SASH1: variants seen among roughly 807,000 people sequenced by gnomAD.
SASH1 encodes SAM and SH3 domain containing 1.
A neutral mutation model predicts 125.2 loss-of-function variants in SASH1; 44 were observed. The observed-to-expected ratio is 0.35, with a 90% confidence interval of 0.28 to 0.45. The LOEUF is 0.45. Among genes scored for constraint, SASH1 ranks in the 20% least tolerant of loss-of-function variants. SASH1 has a pLI of 1.00. For synonymous variants in SASH1, 639 were observed against 649.1 expected (o/e 0.98, Z 0.24); for missense variants, 1,426 against 1,614.5 (o/e 0.88, Z 2.00).
At chr6:148,408,010 T>C (rs766893074) in intron 2 of SASH1, among the ~76,000 whole-genome samples, 13 of 152,338 alleles carry the variant, frequency 8.5e-5, no homozygotes, top group Non-Finnish European at 1.5e-4. Flanking sequence ...ACAGGGGTTC[T>C]AATTTCTCGT....
the SASH1 span, among the ~76,000 whole-genome samples, chr6:148,223,609 G>T: frequency 6.6e-6 from 1 of 152,170 alleles, no homozygotes; most frequent in African/African-American, 2.4e-5. Flanking sequence ...TGATGTCTCA[G>T]ATTCTATTAT....
chr6:148,343,247 G>A, intron 1 of SASH1, 24 bp downstream of exon 1: 2 of 1,574,762 alleles, frequency 1.3e-6, no homozygotes, highest in East Asian at 2.3e-5. Context: ...GGAGGGGGCG[G>A]CGCAGGAAGT....
chr6:148,210,839 A>G, the SASH1 span, among the ~76,000 whole-genome samples: 40 of 152,264 alleles, frequency 2.6e-4, no homozygotes, highest in African/African-American at 8.7e-4. Flanking sequence ...ATAGAATTGT[A>G]GTAGATCTTC....
chr6:148,506,201 T>C (rs1170748780), intron 8 of SASH1, among the ~76,000 whole-genome samples: 1 of 150,940 alleles, frequency 6.6e-6, no homozygotes, highest in Admixed American at 6.6e-5. Context: ...AGGCTGGGCT[T>C]GGTGGCTCAC....
rs1163049511 is a variant in SASH1, at chr6:148,519,750, A to G, written c.1066A>G (p.Lys356Glu). 6.2e-7 allele frequency: 1 copy of G among 1,614,148 alleles called. No homozygotes were observed. The highest frequency in any genetic ancestry group is 1.7e-5 in the Admixed American group (1 of 60,016). Residue 356 changes from lysine (K) to glutamate (E), a missense_variant, in exon 10 of 20, where the codon AAA becomes GAA. Physicochemically the swap from Lys to Glu is moderately conservative, Grantham distance 56. Around this residue, in one of 3 missense-constraint regions of SASH1, gnomAD observed 567 missense variants for 575.6 expected, o/e 0.99. Transcript: ENST00000367467. The surrounding 1 kb of genome is among the most constrained non-coding windows in gnomAD (Gnocchi z 4.8). ...AGRKLVKTFSKGESRGLIKPP... is the reference protein window; with the variant it reads ...AGRKLVKTFSEGESRGLIKPP... ...CCGGAAGTTGGTCAAAACCTTCAGCAAAGGAGAGAGCCGGGGCCTGATTAA... is the reference window on the plus strand; with the variant it reads ...CCGGAAGTTGGTCAAAACCTTCAGCGAAGGAGAGAGCCGGGGCCTGATTAA...
intron 1 of SASH1, among the ~76,000 whole-genome samples, chr6:148,330,465 A>G (rs1295872080): frequency 6.6e-6 from 1 of 152,246 alleles, no homozygotes; most frequent in Non-Finnish European, 1.5e-5. Context: ...TTAGAAGACA[A>G]GATTGATAAA....
At chr6:148,367,113 A>G (rs1379902585) in intron 1 of SASH1, among the ~76,000 whole-genome samples, 2 of 150,250 alleles carry the variant, frequency 1.3e-5, no homozygotes, top group East Asian at 4.0e-4. Context: ...TAGTGGAGGC[A>G]GGGTTTCACC....
At chr6:148,344,232 C>T (rs1781444409) in intron 1 of SASH1, among the ~76,000 whole-genome samples, 1 of 152,202 alleles carries the variant, frequency 6.6e-6, no homozygotes, top group African/African-American at 2.4e-5. Context: ...AGTCATTCAA[C>T]CTCTCTGATC....
intron 1 of SASH1, among the ~76,000 whole-genome samples, chr6:148,291,735 TA>T (rs1582924008): frequency 6.6e-6 from 1 of 151,526 alleles, no homozygotes; most frequent in East Asian, 1.9e-4. Flanking sequence ...ACTTTTTTTT[TA>T]AAAAAAGAAA....
chr6:148,448,972 A>T (rs7763869), intron 4 of SASH1, among the ~76,000 whole-genome samples: 1 of 151,718 alleles, frequency 6.6e-6, no homozygotes, highest in Admixed American at 6.6e-5. Context: ...TCAGTTGCCA[A>T]ATCCTGTTTT....
intron 8 of SASH1, among the ~76,000 whole-genome samples, chr6:148,499,358 G>C (rs1371756968): frequency 6.6e-6 from 1 of 152,060 alleles, no homozygotes; most frequent in Non-Finnish European, 1.5e-5. Context: ...CACATAATTA[G>C]TTTATAAAAG....
At chr6:148,530,611 G>A (rs1008251744) in intron 12 of SASH1, among the ~76,000 whole-genome samples, 9 of 152,212 alleles carry the variant, frequency 5.9e-5, no homozygotes, top group African/African-American at 2.2e-4. Flanking sequence ...TCGGCAGCAT[G>A]CAAATAGCAG....
chr6:148,398,006 CA>C (rs1784026548), intron 2 of SASH1, among the ~76,000 whole-genome samples: 1 of 152,094 alleles, frequency 6.6e-6, no homozygotes, highest in African/African-American at 2.4e-5. Flanking sequence ...GCTTCCCAAT[CA>C]GAAGGCACAG....
Position 148,289,106 on chromosome 6 carries a change from G to A in SASH1, n.74+16729G>A, listed in dbSNP as rs372029668. On this transcript the variant is annotated intron_variant and non_coding_transcript_variant, in intron 1 of 3. Transcript: ENST00000367469. ...AGCAAGTCTCCTGCCTCAGCCTCCCGAGTAGCTGGAACCCCTTTTTCTTTT... is the reference window on the plus strand; with the variant it reads ...AGCAAGTCTCCTGCCTCAGCCTCCCAAGTAGCTGGAACCCCTTTTTCTTTT... Among the ~76,000 whole-genome samples the A allele has an allele frequency of 3.9e-5, 6 of 151,926 alleles. No individual in the cohort carries two copies. The East Asian group carries it at 7.7e-4, about 19-fold the overall frequency.
At chr6:148,510,278 C>T (rs978549686) in intron 8 of SASH1, among the ~76,000 whole-genome samples, 1 of 152,086 alleles carries the variant, frequency 6.6e-6, no homozygotes, top group Non-Finnish European at 1.5e-5. Flanking sequence ...ATTGGAAATC[C>T]ACTTTTCCAC....
intron 4 of SASH1, among the ~76,000 whole-genome samples, chr6:148,448,634 C>G (rs1449942079): frequency 3.9e-5 from 6 of 152,104 alleles, no homozygotes; most frequent in Admixed American, 6.5e-5. Flanking sequence ...GGCTTTTTAC[C>G]CAGCCTGTGA....
intron 19 of SASH1, among the ~76,000 whole-genome samples, chr6:148,547,523 G>A (rs1782642042): frequency 6.6e-6 from 1 of 152,230 alleles, no homozygotes; most frequent in Non-Finnish European, 1.5e-5. Context: ...TAGTAGGTCA[G>A]TGTACTCTAG....
chr6:148,486,936 A>AATAT (rs68036618), intron 7 of SASH1, among the ~76,000 whole-genome samples: 9 of 62,006 alleles, frequency 1.5e-4, no homozygotes, highest in South Asian at 6.6e-4. Context: ...AACAACAACA[A>AATAT]ATATATATAT....
chr6:148,485,516 T>A (rs1778802151), intron 7 of SASH1, among the ~76,000 whole-genome samples: 1 of 152,244 alleles, frequency 6.6e-6, no homozygotes, highest in African/African-American at 2.4e-5. Flanking sequence ...AGAGTTTTGC[T>A]GCATTATCAT....
Sources: allele counts gnomAD v4.1 joint callset (sites outside exome capture counted in the v4.1 genomes callset), GRCh38; gene constraint gnomAD v4.1.1; regional missense constraint gnomAD v4.1.1; non-coding constraint Gnocchi (gnomAD v3.1); transcripts MANE v1.5; gene names NCBI Gene and HGNC (gene_info 2026-07-23, HGNC 2026-07-21).